The following ART3 variants were observed in gnomAD, a reference collection of about 807,000 sequenced individuals.
ART3 encodes the protein ADP-ribosyltransferase 3 (inactive), also known as ecto-ADP-ribosyltransferase 3.
A neutral mutation model predicts 48.5 loss-of-function variants in ART3; 49 were observed. The ratio of observed to expected loss-of-function variants is 1.01; its 90% confidence interval spans 0.80 to 1.28. ART3 has a LOEUF of 1.28. ART3 is among the 50% of genes most tolerant of loss of function. ART3 has a pLI of 0.00. For synonymous variants in ART3, 145 were observed against 157.2 expected (o/e 0.92, Z 0.58); for missense variants, 438 against 454.3 (o/e 0.96, Z 0.33).
At chr4:76,078,701 C>G (rs891923981) in intron 2 of ART3, among the ~76,000 whole-genome samples, 8 of 152,174 alleles carry the variant, frequency 5.3e-5, no homozygotes, top group East Asian at 3.8e-4. Flanking sequence ...CAGAATTACA[C>G]TCTTTTTCAA....
At chr4:76,042,943 T>C (rs7377856) in intron 1 of ART3, among the ~76,000 whole-genome samples, 93,318 of 151,356 alleles carry the variant, frequency 0.62, 30,108 homozygotes, top group East Asian at 0.94. Context: ...CAGGGCGTGA[T>C]TGGTGCGTTT....
intron 1 of ART3, among the ~76,000 whole-genome samples, chr4:76,068,563 GGAA>G (rs1339949145): frequency 2.0e-5 from 3 of 152,130 alleles, no homozygotes; most frequent in African/African-American, 7.2e-5. Context: ...ACTTGTAAGT[GGAA>G]GCCAAATCAT....
intron 1 of ART3, among the ~76,000 whole-genome samples, chr4:76,040,042 G>C (rs765019379): frequency 6.6e-6 from 1 of 152,072 alleles, no homozygotes; most frequent in Non-Finnish European, 1.5e-5. Context: ...AAAAACATTA[G>C]AGCTGGGCAT....
chr4:76,110,416 G>A (rs993175175), intron 11 of ART3, among the ~76,000 whole-genome samples: 14 of 152,102 alleles, frequency 9.2e-5, no homozygotes, highest in African/African-American at 3.4e-4. Context: ...GAGCATCTGT[G>A]GATTTTGGTA....
At chr4:76,084,030 A>G (rs1723036805) in intron 3 of ART3, among the ~76,000 whole-genome samples, 1 of 152,082 alleles carries the variant, frequency 6.6e-6, no homozygotes, top group Non-Finnish European at 1.5e-5. Context: ...CTTTTACCCC[A>G]GGGTTATTCT....
chr4:76,055,076 C>G (rs1486825325), intron 1 of ART3, among the ~76,000 whole-genome samples: 1 of 152,186 alleles, frequency 6.6e-6, no homozygotes, highest in Non-Finnish European at 1.5e-5. Flanking sequence ...TGCCTGGCCT[C>G]TTGTCATTTT....
chr4:76,018,090 A>G (rs1033573899), intron 1 of ART3, among the ~76,000 whole-genome samples: 2 of 152,200 alleles, frequency 1.3e-5, no homozygotes, highest in Non-Finnish European at 2.9e-5. Flanking sequence ...GCAATCCCAT[A>G]ACTGGGTATA....
At chr4:76,090,955 C>T (rs1724750610) in intron 3 of ART3, among the ~76,000 whole-genome samples, 1 of 152,188 alleles carries the variant, frequency 6.6e-6, no homozygotes, top group Admixed American at 6.5e-5. Context: ...TACTTGCTGT[C>T]ACTACAGATT....
chr4:76,065,552 A>ACACACAC (rs1719648260), intron 1 of ART3, among the ~76,000 whole-genome samples: 8 of 145,294 alleles, frequency 5.5e-5, no homozygotes, highest in African/African-American at 2.1e-4. Flanking sequence ...ATAACCCTCC[A>ACACACAC]ACACACACAC....
chr4:76,091,176 T>G lies in ART3; in HGVS notation c.782-6468T>G, dbSNP rs372146209. On this transcript the variant is annotated intron_variant, in intron 3 of 11. Transcript: ENST00000355810. The stretch of plus-strand genomic sequence containing the variant: ...GAGTACGTGGGTTGTTTCCAGTCCT[T>G]GGCTATTACAAATAAAACTTCTGTG... 2.8e-4 allele frequency among the ~76,000 whole-genome samples: 43 copies of G among 152,340 alleles called. No individual in the cohort carries two copies. In the South Asian group the frequency reaches 8.3e-3, roughly 29 times the overall value.
intron 3 of ART3, among the ~76,000 whole-genome samples, chr4:76,086,927 G>A (rs112283874): frequency 5.3e-5 from 8 of 152,062 alleles, no homozygotes; most frequent in African/African-American, 1.9e-4. Context: ...AGAAAACACT[G>A]CAAACCAGGG....
chr4:76,047,241 C>T (rs1735597414), intron 1 of ART3, among the ~76,000 whole-genome samples: 1 of 152,034 alleles, frequency 6.6e-6, no homozygotes, highest in South Asian at 2.1e-4. Flanking sequence ...CTCTCTGAAC[C>T]ACCAAGGCTT....
At chr4:76,101,944 G>A (rs1727410921) in intron 8 of ART3, among the ~76,000 whole-genome samples, 2 of 152,182 alleles carry the variant, frequency 1.3e-5, no homozygotes, top group Admixed American at 6.5e-5. Context: ...AATTAGAGAT[G>A]AACACAAAGA....
intron 2 of ART3, among the ~76,000 whole-genome samples, chr4:76,079,828 G>A (rs1036932726): frequency 7.2e-5 from 11 of 151,870 alleles, no homozygotes; most frequent in Admixed American, 6.6e-4. Context: ...CCTAGAGCAG[G>A]ATATGGAAGC....
intron 1 of ART3, chr4:76,075,396 A>G (rs1309887124): frequency 6.5e-6 from 1 of 153,272 alleles, no homozygotes; most frequent in African/African-American, 2.4e-5. Context: ...GTCCCACTCA[A>G]AAGGGCATGA....
At chr4:76,102,315 CTGTTATT>C (rs143553351) in intron 8 of ART3, among the ~76,000 whole-genome samples, 3,480 of 152,212 alleles carry the variant, frequency 0.023, 103 homozygotes, top group African/African-American at 0.068. Context: ...TTGGGAAATT[CTGTTATT>C]TCTTTCTCCT....
At chr4:76,083,805 G>C (rs1028904325) in intron 3 of ART3, among the ~76,000 whole-genome samples, 5 of 152,186 alleles carry the variant, frequency 3.3e-5, no homozygotes, top group East Asian at 1.9e-4. Flanking sequence ...GCTTGGGAAG[G>C]GGGTAATTAT....
At chr4:76,104,013 G>C in intron 9 of ART3, 44 bp downstream of exon 9, 1 of 1,584,836 alleles carries the variant, frequency 6.3e-7, no homozygotes, top group East Asian at 2.2e-5. Flanking sequence ...AGAATGAGTT[G>C]AGCAGGATTC....
chr4:76,074,391 C>T (rs1014127263), upstream of ART3, among the ~76,000 whole-genome samples: 5 of 152,114 alleles, frequency 3.3e-5, no homozygotes, highest in Admixed American at 1.3e-4. Context: ...GCAAGTTTCC[C>T]TAGTTATGTG....
Sources: gnomAD v4.1 joint callset for allele counts (sites outside exome capture counted in the v4.1 genomes callset) on GRCh38, gnomAD v4.1.1 for gene constraint, MANE v1.5 for transcripts, NCBI Gene and HGNC (gene_info 2026-07-23, HGNC 2026-07-21) for gene names.